The following CTR9 variants were observed in gnomAD, a reference collection of about 807,000 sequenced individuals.
CTR9 encodes RNA polymerase-associated protein CTR9 homolog.
A neutral mutation model predicts 152.1 loss-of-function variants in CTR9; 41 were observed. That is an observed-to-expected ratio of 0.27 (90% confidence interval 0.21 to 0.35). The LOEUF (loss-of-function observed/expected upper bound fraction) is 0.35. Ranked by LOEUF, CTR9 falls within the 10% of genes least tolerant of loss-of-function variation. The pLI is 1.00. For synonymous variants in CTR9, 476 were observed against 496.2 expected (o/e 0.96, Z 0.54); for missense variants, 917 against 1,424.4 (o/e 0.64, Z 5.73).
At chr11:10,772,223 T>C (rs1338730913) in intron 19 of CTR9, among the ~76,000 whole-genome samples, 1 of 152,036 alleles carries the variant, frequency 6.6e-6, no homozygotes, top group East Asian at 1.9e-4. Flanking sequence ...GGTATGGTGG[T>C]GCACACCTGT....
Position 10,779,128 on chromosome 11 carries a change from C to T in CTR9, c.*23C>T, listed in dbSNP as rs777772404. 1.7e-5 allele frequency: 26 copies of T among 1,564,114 alleles called. No individual in the cohort carries two copies. The Admixed American group carries it at 5.0e-4, about 30-fold the overall frequency. ...TAGGTTTTATTTCATCAATAAGCTT[C>T]ATCTCTGGAGGAAACTTTTTTAATA... On this transcript the variant is annotated 3_prime_UTR_variant, in exon 25 of 25. Coordinates refer to ENST00000361367, the MANE Select transcript of CTR9 (RefSeq NM_014633.5).
chr11:10,754,373 A>T (rs1862852168), intron 2 of CTR9, among the ~76,000 whole-genome samples: 1 of 152,222 alleles, frequency 6.6e-6, no homozygotes, highest in South Asian at 2.1e-4. Context: ...TAAGCAGCAG[A>T]TTGGGAACAT....
rs1863295768 is a variant in CTR9 at position 10,779,363 on chromosome 11, C to A, written c.*258C>A. ...ATGTGAAAACTGCAGTAAAAATAAA[C>A]CCAGATGCTAAATCATTCCTACAAA... On this transcript the variant is annotated 3_prime_UTR_variant, in exon 25 of 25. Transcript: ENST00000361367. The A allele has an allele frequency of 7.7e-6, 3 of 391,272 alleles. No homozygotes were observed. The highest frequency in any genetic ancestry group is 1.4e-5 in the Non-Finnish European group (3 of 216,986). 24.2% of individuals were successfully genotyped at this position (391,272 alleles called of 1,614,324 possible).
At chr11:10,752,913 A>T (rs1256851729) in intron 2 of CTR9, 143 bp downstream of exon 2, 1 of 669,174 alleles carries the variant, frequency 1.5e-6, no homozygotes, top group Non-Finnish European at 2.6e-6. Context: ...TTAATAATTT[A>T]TGGAACAATA....
At chr11:10,753,911 C>G (rs1862844150) in intron 2 of CTR9, among the ~76,000 whole-genome samples, 1 of 152,090 alleles carries the variant, frequency 6.6e-6, no homozygotes, top group Non-Finnish European at 1.5e-5. Context: ...GATCTAACTT[C>G]TGAGCATATG....
rs756356845 is a variant in CTR9 at position 10,754,945 on chromosome 11, C to A, written c.145-13C>A. The A allele has an allele frequency of 1.2e-6, 2 of 1,609,102 alleles. No individual in the cohort carries two copies. Among genetic ancestry groups the A allele is most frequent in the South Asian group, 2.2e-5 (2 of 90,044 alleles). On this transcript the variant is annotated splice_polypyrimidine_tract_variant and intron_variant, in intron 2 of 24. Transcript: ENST00000361367. ...ATGCTTTAGTGATTCTAATTTGTTT[C>A]ATTACCTTATAGCTGGAATACTACA...
chr11:10,768,574 G>A (rs1863095552), intron 16 of CTR9, 83 bp downstream of exon 16: 8 of 1,354,398 alleles, frequency 5.9e-6, no homozygotes, highest in Non-Finnish European at 8.0e-6. Flanking sequence ...CCCTGTCATG[G>A]AGCTGCATGC....
intron 4 of CTR9, 65 bp downstream of exon 4, chr11:10,755,860 T>G: frequency 3.3e-6 from 3 of 901,398 alleles, no homozygotes; most frequent in Non-Finnish European, 5.3e-6. Flanking sequence ...AATATATCTC[T>G]TGGTAATAGC....
In CTR9 at chr11:10,775,762, G is replaced by A. The variant is rs964325746; in HGVS notation, c.3095+129G>A. On this transcript the variant is annotated intron_variant, in intron 24 of 24. Transcript: ENST00000361367. Reference sequence around the variant, plus strand: ...TTCTTTATAAATAATAAGAGGGGTGGGGACAGACTTGAAAATTGGAGGAAA... The same window carrying A: ...TTCTTTATAAATAATAAGAGGGGTGAGGACAGACTTGAAAATTGGAGGAAA... 10 of 581,030 alleles carry A rather than the reference G, an allele frequency of 1.7e-5. No homozygotes were observed. In the African/African-American group the frequency reaches 1.9e-4, roughly 11 times the overall value. 36.0% of individuals were successfully genotyped at this position (581,030 alleles called of 1,614,324 possible). A position where few individuals can be genotyped will look rare whatever the true frequency, so the allele number is the denominator to read the frequency against.
Position 10,767,886 on chromosome 11 carries a change from G to A in CTR9, c.1767G>A (p.Glu589=), listed in dbSNP as rs1432496235. Residue 589 remains glutamate (E), a synonymous_variant, in exon 14 of 25, where the codon GAG becomes GAA. Transcript: ENST00000361367. This position sits in a 1 kb window ranked among gnomAD's most constrained non-coding sequence, Gnocchi z 4.0. ...QEWGPGQKKF[E]RILKQPSTQS... Reference sequence around the variant, plus strand: ...GGGGTCCTGGGCAGAAGAAGTTTGAGAGGATATTAAAACAGCCATCCACAC... The same window carrying A: ...GGGGTCCTGGGCAGAAGAAGTTTGAAAGGATATTAAAACAGCCATCCACAC... 1.2e-6 allele frequency: 2 copies of A among 1,613,976 alleles called. No homozygotes were observed. Among genetic ancestry groups the A allele is most frequent in the East Asian group, 2.2e-5 (1 of 44,884 alleles).
chr11:10,755,369 G>A (rs943308700), intron 3 of CTR9, among the ~76,000 whole-genome samples, 172 bp downstream of exon 3: 2 of 152,152 alleles, frequency 1.3e-5, no homozygotes, highest in African/African-American at 4.8e-5. Context: ...TTTTTGTACT[G>A]TTTAAGTAAT....
intron 18 of CTR9, among the ~76,000 whole-genome samples, chr11:10,771,238 T>C (rs1863138752): frequency 6.6e-6 from 1 of 152,246 alleles, no homozygotes; most frequent in Non-Finnish European, 1.5e-5. Flanking sequence ...CCTGGTAAAT[T>C]ATAAGTGCTT....
chr11:10,761,654 C>G (rs941751250), intron 6 of CTR9, among the ~76,000 whole-genome samples: 2 of 151,952 alleles, frequency 1.3e-5, no homozygotes, highest in South Asian at 4.2e-4. Flanking sequence ...AAAGGTGGCT[C>G]TTTGTGGGAG....
chr11:10,756,856 T>C lies in CTR9; in HGVS notation c.592+18T>C. The C allele has an allele frequency of 2.0e-6, 3 of 1,522,754 alleles. No homozygotes were observed. Among genetic ancestry groups the C allele is most frequent in the African/African-American group, 1.4e-5 (1 of 73,156 alleles). 94.3% of individuals were successfully genotyped at this position (1,522,754 alleles called of 1,614,324 possible). A position where few individuals can be genotyped will look rare whatever the true frequency, so the allele number is the denominator to read the frequency against. On this transcript the variant is annotated intron_variant, in intron 5 of 24. Transcript: ENST00000361367. ...ATGTCCAGGTAAGAGAAAAATTTTA[T>C]TTTATGTCTAAACTGTGTATTACCC...
intron 24 of CTR9, among the ~76,000 whole-genome samples, chr11:10,777,249 T>C (rs1429741270): frequency 6.6e-6 from 1 of 151,892 alleles, no homozygotes; most frequent in African/African-American, 2.4e-5. Flanking sequence ...TTTGCAGTTC[T>C]GGCCAGGTGA....
chr11:10,768,523 T>C, intron 16 of CTR9, 32 bp downstream of exon 16: 1 of 1,572,964 alleles, frequency 6.4e-7, no homozygotes, highest in South Asian at 1.2e-5. Flanking sequence ...TATTTTTATA[T>C]CTTGTTCATT....
chr11:10,774,287 T>C, intron 22 of CTR9, 118 bp downstream of exon 22: 1 of 1,274,182 alleles, frequency 7.8e-7, no homozygotes, highest in Non-Finnish European at 1.1e-6. Flanking sequence ...GTGAAGCTTT[T>C]TGTGCCCCCA....
rs1863301716 is a variant in CTR9 at position 10,779,741 on chromosome 11, A to G, written c.*636A>G. On this transcript the variant is annotated 3_prime_UTR_variant, in exon 25 of 25. Transcript: ENST00000361367. ...CACATAATAATAAAATTCTTTTACC[A>G]ACTTTTATGGGTAACTTCGTGTCTT... 1 of 152,226 alleles carries G rather than the reference A, an allele frequency of 6.6e-6. No homozygotes were observed. Among genetic ancestry groups the G allele is most frequent in the Non-Finnish European group, 1.5e-5 (1 of 68,044 alleles). 9.4% of individuals were successfully genotyped at this position (152,226 alleles called of 1,614,324 possible).
intron 1 of CTR9, 124 bp downstream of exon 1, chr11:10,751,581 C>CT: frequency 1.1e-6 from 1 of 928,308 alleles, no homozygotes; most frequent in Non-Finnish European, 1.7e-6. Context: ...ATCGAAATAC[C>CT]TGGCCAAGGT....
Sources: allele counts gnomAD v4.1 joint callset (sites outside exome capture counted in the v4.1 genomes callset), GRCh38; gene constraint gnomAD v4.1.1; non-coding constraint Gnocchi (gnomAD v3.1); transcripts MANE v1.5; gene names NCBI Gene and HGNC (gene_info 2026-07-23, HGNC 2026-07-21).